SPA17: variants seen among roughly 807,000 people sequenced by gnomAD.
The protein encoded by SPA17 is sperm surface protein Sp17.
A neutral mutation model predicts 13.8 loss-of-function variants in SPA17; 7 were observed. The ratio of observed to expected loss-of-function variants is 0.51; its 90% CI spans 0.29 to 0.95. The LOEUF is 0.95. Among genes scored for constraint, SPA17 ranks in the 40% least tolerant of loss-of-function variants. The pLI, the probability that SPA17 is intolerant of heterozygous loss-of-function variation, is 0.08. For synonymous variants in SPA17, 61 were observed against 59.0 expected, an observed-to-expected ratio of 1.03 and a Z score of -0.16; for missense variants, 170 against 179.3, an observed-to-expected ratio of 0.95 and a Z score of 0.30.
Position 124,696,500 on chromosome 11 carries a change from C to T in SPA17, c.*2054C>T, listed in dbSNP as rs768050329. ...TTCCATACACACACACACACACACA[C>T]AGATCTCATGGTAGTGATATTGGTA... On this transcript the variant is annotated 3_prime_UTR_variant, in exon 5 of 5. Coordinates refer to ENST00000227135, the MANE Select transcript of SPA17 (RefSeq NM_017425.4). 1 of 151,846 alleles carries T rather than the reference C, an allele frequency of 6.6e-6. No homozygotes were observed. Among genetic ancestry groups the T allele is most frequent in the African/African-American group, 2.4e-5 (1 of 41,310 alleles). 9.4% of individuals were successfully genotyped at this position (151,846 alleles called of 1,614,324 possible).
chr11:124,693,064 AG>A (rs1204420892), intron 4 of SPA17, among the ~76,000 whole-genome samples: 1 of 152,248 alleles, frequency 6.6e-6, no homozygotes, highest in Non-Finnish European at 1.5e-5. Flanking sequence ...CAGGAAGTCA[AG>A]GAAGAAGGGA....
chr11:124,692,217 T>C (rs1943628787), intron 4 of SPA17, among the ~76,000 whole-genome samples: 1 of 152,180 alleles, frequency 6.6e-6, no homozygotes, highest in South Asian at 2.1e-4. Flanking sequence ...ACAATGTGGC[T>C]TATTCATCTT....
In SPA17 at chr11:124,696,199, G is replaced by C. The variant is rs921571435; in HGVS notation, c.*1753G>C. The C allele has an allele frequency of 3.3e-5, 5 of 152,238 alleles. No individual in the cohort carries two copies. Among genetic ancestry groups the C allele is most frequent in the African/African-American group, 1.2e-4 (5 of 41,400 alleles). The allele number at this position is 152,238 out of a possible 1,614,324, so 9.4% of individuals were successfully genotyped here. A position where few individuals can be genotyped will look rare whatever the true frequency, so the allele number is the denominator to read the frequency against. On this transcript the variant is annotated 3_prime_UTR_variant, in exon 5 of 5. Coordinates refer to ENST00000227135, the MANE Select transcript of SPA17 (RefSeq NM_017425.4). ...CAGGCTTACAGAGGAAAAGAAATCA[G>C]TTCTCCTCCAGGATTCCAGCTGTTC...
In SPA17 at chr11:124,675,289, C is replaced by G. The variant is rs1323046270; in HGVS notation, c.25C>G (p.His9Asp). 1 of 1,613,824 alleles carries G rather than the reference C, an allele frequency of 6.2e-7. No individual in the cohort carries two copies. The highest frequency in any genetic ancestry group is 8.5e-7 in the Non-Finnish European group (1 of 1,179,980). The change falls in exon 2 of 5, where the codon CAC becomes GAC. Residue 9 changes from histidine to aspartate, a missense_variant. Transcript: ENST00000227135. MSIPFSNTHYRIPQGFGNL... is the reference protein window; with the variant it reads MSIPFSNTDYRIPQGFGNL... Reference sequence around the variant, plus strand: ...GATGTCGATTCCATTCTCCAACACCCACTACCGAATTCCACAAGGATTTGG... The same window carrying G: ...GATGTCGATTCCATTCTCCAACACCGACTACCGAATTCCACAAGGATTTGG...
At chr11:124,691,631 A>C (rs2134418923) in intron 3 of SPA17, 65 bp from the exon 4 acceptor site, 2 of 931,820 alleles carry the variant, frequency 2.1e-6, no homozygotes, top group Non-Finnish European at 3.3e-6. Context: ...ACTTCTAAGC[A>C]GTTTGATACA....
At chr11:124,680,600 C>T (rs1219916295) in intron 2 of SPA17, among the ~76,000 whole-genome samples, 1 of 152,016 alleles carries the variant, frequency 6.6e-6, no homozygotes, top group African/African-American at 2.4e-5. Context: ...GGATAGTTGA[C>T]TGAATAGTTG....
intron 4 of SPA17, among the ~76,000 whole-genome samples, chr11:124,693,484 A>T (rs1043355575): frequency 4.1e-5 from 6 of 147,370 alleles, no homozygotes; most frequent in African/African-American, 1.6e-4. Flanking sequence ...AAATAAAAAG[A>T]CATATATATA....
chr11:124,681,341 C>T (rs745810580), intron 2 of SPA17, 48 bp from the exon 3 acceptor site: 23 of 1,442,660 alleles, frequency 1.6e-5, no homozygotes, highest in Non-Finnish European at 2.1e-5. Context: ...CTACATTTAC[C>T]TTAATGAATT....
chr11:124,693,699 T>C (rs1943645448), intron 4 of SPA17, among the ~76,000 whole-genome samples: 1 of 152,152 alleles, frequency 6.6e-6, no homozygotes, highest in Admixed American at 6.5e-5. Flanking sequence ...TATTCAATTG[T>C]ACGCTGAAGA....
At chr11:124,674,612 A>G (rs1312655764) in intron 1 of SPA17, 3 of 152,224 alleles carry the variant, frequency 2.0e-5, no homozygotes, top group African/African-American at 7.2e-5. Flanking sequence ...AGAAACCGAA[A>G]AATATAAGAA....
intron 2 of SPA17, among the ~76,000 whole-genome samples, chr11:124,676,883 G>C (rs1943470409): frequency 6.6e-6 from 1 of 152,024 alleles, no homozygotes; most frequent in East Asian, 1.9e-4. Flanking sequence ...TGTATCCCTT[G>C]AACCTAAAAT....
chr11:124,678,505 T>C (rs1943495263), intron 2 of SPA17, among the ~76,000 whole-genome samples: 1 of 150,682 alleles, frequency 6.6e-6, no homozygotes, highest in African/African-American at 2.5e-5. Flanking sequence ...GAGGTTGATA[T>C]GAATACATAA....
At chr11:124,686,116 C>T (rs1943575499) in intron 3 of SPA17, among the ~76,000 whole-genome samples, 1 of 138,426 alleles carries the variant, frequency 7.2e-6, no homozygotes, top group African/African-American at 2.7e-5. Flanking sequence ...TCACCCAAAT[C>T]TCATCTTGAA....
chr11:124,687,213 A>G (rs934572499), intron 3 of SPA17, among the ~76,000 whole-genome samples: 3 of 152,134 alleles, frequency 2.0e-5, no homozygotes, highest in African/African-American at 7.2e-5. Flanking sequence ...GGAAACATAC[A>G]ACCTACCAAG....
intron 1 of SPA17, chr11:124,674,534 C>T (rs1943432873): frequency 6.6e-6 from 1 of 152,218 alleles, no homozygotes; most frequent in Admixed American, 6.5e-5. Flanking sequence ...TAGCTCAGCC[C>T]GCTGCTTAGC....
intron 3 of SPA17, among the ~76,000 whole-genome samples, chr11:124,682,641 G>A (rs681418): frequency 0.57 from 86,933 of 151,830 alleles, 27,918 homozygotes; most frequent in African/African-American, 0.89. Context: ...TAGACTAAGT[G>A]GAACAAAAAA....
chr11:124,692,545 A>C (rs1471280260), intron 4 of SPA17, among the ~76,000 whole-genome samples: 1 of 152,044 alleles, frequency 6.6e-6, no homozygotes, highest in East Asian at 1.9e-4. Context: ...ACGCCACTGC[A>C]CTCCAGCCTG....
chr11:124,679,669 A>G (rs574699386), intron 2 of SPA17, among the ~76,000 whole-genome samples: 2 of 152,198 alleles, frequency 1.3e-5, no homozygotes, highest in Non-Finnish European at 2.9e-5. Context: ...TCTAAATACC[A>G]TTCCCAGGAA....
At position 124,678,956 on chromosome 11, in the gene SPA17, G is replaced by GA. The variant is rs572333511; in HGVS notation, c.155-2429dup. On this transcript the variant is annotated intron_variant, in intron 2 of 4. Transcript: ENST00000227135. Reference sequence around the variant, plus strand: ...TGAACAGGGTAGAGAGAACATGATAGAAAATATCTTGAATTTCGAATCATA... The same window carrying GA: ...TGAACAGGGTAGAGAGAACATGATAGAAAAATATCTTGAATTTCGAATCATA... Among the ~76,000 whole-genome samples the GA allele has an allele frequency of 6.4e-4, 98 of 152,144 alleles. 3 individuals are homozygous for GA. In the South Asian group the frequency reaches 0.019, roughly 30 times the overall value.
Sources: allele counts gnomAD v4.1 joint callset (sites outside exome capture counted in the v4.1 genomes callset), GRCh38; gene constraint gnomAD v4.1.1; transcripts MANE v1.5; gene names NCBI Gene and HGNC (gene_info 2026-07-23, HGNC 2026-07-21).